Variants in PPP1R12B observed in about 807,000 individuals in gnomAD.
The protein encoded by PPP1R12B is myosin phosphatase target subunit 2.
In PPP1R12B, 76 loss-of-function variants were observed where a neutral mutation model predicts 126.1. The observed-to-expected ratio is 0.60, with a 90% CI of 0.50 to 0.73. PPP1R12B has a LOEUF of 0.73. PPP1R12B is among the 30% of genes least tolerant of loss of function. The probability of loss-of-function intolerance (pLI) is 0.00; values close to 1 mark genes in which losing one functional copy is unlikely to be tolerated. For synonymous variants in PPP1R12B, 356 were observed against 434.7 expected (o/e 0.82, Z 2.25); for missense variants, 1,052 against 1,205.1 (o/e 0.87, Z 1.88).
chr1:202,483,757 T>C (rs1677715196), intron 13 of PPP1R12B, among the ~76,000 whole-genome samples: 1 of 152,252 alleles, frequency 6.6e-6, no homozygotes, highest in Admixed American at 6.5e-5. Context: ...TCTCTCCCTT[T>C]ACCTCTAATA....
At chr1:202,396,631 A>G (rs1308751402) in intron 1 of PPP1R12B, among the ~76,000 whole-genome samples, 8 of 152,116 alleles carry the variant, frequency 5.3e-5, no homozygotes, top group African/African-American at 9.7e-5. Context: ...TTTTGAGACA[A>G]AGTCCCTCTT....
In PPP1R12B at chr1:202,419,609, G is replaced by C. The variant is rs1042837310; in HGVS notation, c.422+2692G>C. On this transcript the variant is annotated intron_variant, in intron 2 of 23. Transcript: ENST00000608999. This position sits in a 1 kb window ranked among gnomAD's most constrained non-coding sequence, Gnocchi z 4.6. ...TAGAACATGGGAAAAGCAGGGTCCT[G>C]TATACCCAAGTGACATTATGCCTGA... 1.3e-5 allele frequency among the ~76,000 whole-genome samples: 2 copies of C among 152,118 alleles called. No individual in the cohort carries two copies. Among genetic ancestry groups the C allele is most frequent in the African/African-American group, 2.4e-5 (1 of 41,414 alleles).
chr1:202,557,352 A>T (rs1687061295), intron 18 of PPP1R12B, among the ~76,000 whole-genome samples: 1 of 152,228 alleles, frequency 6.6e-6, no homozygotes, highest in Non-Finnish European at 1.5e-5. Flanking sequence ...ATATCAAGAA[A>T]AAAAAACTTA....
chr1:202,434,854 G>C, intron 9 of PPP1R12B, 86 bp downstream of exon 9: 1 of 1,550,860 alleles, frequency 6.4e-7, no homozygotes. Flanking sequence ...GTACATTCTT[G>C]CAAAATAATA....
chr1:202,471,410 C>T (rs1227136827), intron 13 of PPP1R12B, among the ~76,000 whole-genome samples: 1 of 151,158 alleles, frequency 6.6e-6, no homozygotes, highest in Non-Finnish European at 1.5e-5. Context: ...ATGTTTCTTA[C>T]ACAAACGTGC....
At chr1:202,354,263 A>G (rs1183454551) in intron 1 of PPP1R12B, among the ~76,000 whole-genome samples, 8 of 152,164 alleles carry the variant, frequency 5.3e-5, no homozygotes, top group Non-Finnish European at 4.4e-5. Flanking sequence ...CTTGGTAGAC[A>G]GCTCCTCCCA....
chr1:202,517,410 A>C (rs1412387572), intron 18 of PPP1R12B, among the ~76,000 whole-genome samples: 1 of 152,208 alleles, frequency 6.6e-6, no homozygotes, highest in Non-Finnish European at 1.5e-5. Flanking sequence ...GTTCTCAGCT[A>C]TGTATTTACG....
In PPP1R12B at chr1:202,588,396, A is replaced by AT. The variant is rs1689951264; in HGVS notation, c.*7840dup. The AT allele has an allele frequency of 1.3e-5, 2 of 152,586 alleles. No homozygotes were observed. The allele number at this position is 152,586 out of a possible 1,614,324, so 9.5% of individuals were successfully genotyped here. A position where few individuals can be genotyped will look rare whatever the true frequency, so the allele number is the denominator to read the frequency against. On this transcript the variant is annotated 3_prime_UTR_variant, in exon 24 of 24. Transcript: ENST00000608999. ...TGTGAACTGAATGTATTTTTATGCA[A>AT]TTTTGAGTGGCCTTTCAACCCTAAG...
intron 9 of PPP1R12B, among the ~76,000 whole-genome samples, chr1:202,436,277 C>A (rs1041968719): frequency 2.6e-5 from 4 of 151,794 alleles, no homozygotes; most frequent in Non-Finnish European, 5.9e-5. Flanking sequence ...AAAACAACAA[C>A]AACAACAACA....
At chr1:202,574,169 A>C (rs76919886) in intron 23 of PPP1R12B, among the ~76,000 whole-genome samples, 677 of 19,160 alleles carry the variant, frequency 0.035, 8 homozygotes, top group African/African-American at 0.096. Context: ...ATGCCCCACA[A>C]AAAAAAAAAA....
At chr1:202,473,842 G>A (rs1279347237) in intron 13 of PPP1R12B, 1 of 497,032 alleles carries the variant, frequency 2.0e-6, no homozygotes, top group Non-Finnish European at 4.2e-6. Flanking sequence ...GTTTCCAAGG[G>A]AGACCGGGTG....
intron 1 of PPP1R12B, among the ~76,000 whole-genome samples, chr1:202,409,468 C>T (rs569674111): frequency 1.3e-5 from 2 of 151,282 alleles, no homozygotes; most frequent in South Asian, 2.1e-4. Flanking sequence ...ACTACAGGCA[C>T]GCGCCACCAC....
intron 18 of PPP1R12B, among the ~76,000 whole-genome samples, chr1:202,505,517 T>A (rs1260971248): frequency 1.3e-5 from 2 of 152,198 alleles, no homozygotes; most frequent in African/African-American, 4.8e-5. Flanking sequence ...CAACTTTCTG[T>A]CCACTCTCCA....
intron 18 of PPP1R12B, among the ~76,000 whole-genome samples, chr1:202,521,571 T>G (rs1293000320): frequency 1.3e-5 from 2 of 152,246 alleles, no homozygotes; most frequent in Non-Finnish European, 2.9e-5. Flanking sequence ...AATACAATAT[T>G]GAAGTAAAAG....
intron 18 of PPP1R12B, among the ~76,000 whole-genome samples, chr1:202,510,268 T>A (rs1681292907): frequency 6.6e-6 from 1 of 152,156 alleles, no homozygotes; most frequent in Non-Finnish European, 1.5e-5. Context: ...ACCTAATGGG[T>A]AAAGCTTCTA....
At chr1:202,547,986 G>A (rs1685826083) in intron 18 of PPP1R12B, among the ~76,000 whole-genome samples, 1 of 152,180 alleles carries the variant, frequency 6.6e-6, no homozygotes, top group South Asian at 2.1e-4. Flanking sequence ...TGTCAGTGCT[G>A]TACCAAGCAC....
At chr1:202,552,876 G>T (rs1303172942) in intron 18 of PPP1R12B, among the ~76,000 whole-genome samples, 1 of 152,072 alleles carries the variant, frequency 6.6e-6, no homozygotes, top group African/African-American at 2.4e-5. Context: ...TTTAAACTTG[G>T]TAGGAGTTTG....
intron 22 of PPP1R12B, among the ~76,000 whole-genome samples, chr1:202,568,511 A>G (rs1250139981): frequency 6.6e-6 from 1 of 152,202 alleles, no homozygotes; most frequent in African/African-American, 2.4e-5. Flanking sequence ...GAAAGCAGCT[A>G]AGTTTTACAT....
intron 18 of PPP1R12B, among the ~76,000 whole-genome samples, chr1:202,536,267 C>T (rs1422972717): frequency 6.6e-6 from 1 of 152,142 alleles, no homozygotes; most frequent in Non-Finnish European, 1.5e-5. Flanking sequence ...GATGGTACAG[C>T]CTACTACACA....
Sources: gnomAD v4.1 joint callset for allele counts (sites outside exome capture counted in the v4.1 genomes callset) on GRCh38, gnomAD v4.1.1 for gene constraint, Gnocchi (gnomAD v3.1) non-coding constraint, MANE v1.5 for transcripts, NCBI Gene and HGNC (gene_info 2026-07-23, HGNC 2026-07-21) for gene names.